Variants in CFAP53 observed in about 807,000 individuals in gnomAD.
CFAP53 encodes the protein cilia- and flagella-associated protein 53.
In CFAP53, 62 loss-of-function variants were observed where a neutral mutation model predicts 59.7. That is an observed-to-expected ratio of 1.04 (90% confidence interval 0.85 to 1.28). The LOEUF (loss-of-function observed/expected upper bound fraction) is 1.28, where lower values mean the gene tolerates loss of function less well. Among genes scored for constraint, CFAP53 ranks in the 50% most tolerant of loss-of-function variants. The pLI, the probability that CFAP53 is intolerant of heterozygous loss-of-function variation, is 0.00. For missense variants in CFAP53, 629 were observed against 615.6 expected, an observed-to-expected ratio of 1.02 and a Z score of -0.23; for synonymous variants, 218 against 205.7, an observed-to-expected ratio of 1.06 and a Z score of -0.51.
At chr18:50,253,879 G>A (rs1181986546) in intron 3 of CFAP53, among the ~76,000 whole-genome samples, 2 of 151,936 alleles carry the variant, frequency 1.3e-5, no homozygotes, top group Non-Finnish European at 1.5e-5. Context: ...AACATCCTAG[G>A]GTATTCGTTA....
chr18:50,230,906 A>T (rs997337398), intron 7 of CFAP53, among the ~76,000 whole-genome samples: 11 of 152,204 alleles, frequency 7.2e-5, no homozygotes, highest in African/African-American at 2.2e-4. Flanking sequence ...TTTTCCAAAG[A>T]TGGCCACAGT....
intron 1 of CFAP53, among the ~76,000 whole-genome samples, chr18:50,265,915 G>C (rs907703236): frequency 7.2e-5 from 11 of 152,188 alleles, no homozygotes; most frequent in African/African-American, 2.7e-4. Context: ...TTTCCTAGGA[G>C]TGAAAGACCA....
rs375198063 is a variant in CFAP53 at position 50,266,359 on chromosome 18, G to A, written c.46C>T (p.Pro16Ser). The A allele has an allele frequency of 4.7e-5, 76 of 1,614,226 alleles. No individual in the cohort carries two copies. The African/African-American group carries it at 8.4e-4, about 18-fold the overall frequency. ...FGTVQREVKG[P>S]TPKVVIVRSK... ...ACCACGATCACCACTTTGGGGGTGGGGCCCTTAACCTCCCGCTGTACGGTG... is the reference window on the plus strand; with the variant it reads ...ACCACGATCACCACTTTGGGGGTGGAGCCCTTAACCTCCCGCTGTACGGTG... The change falls in exon 1 of 8, where the codon CCC becomes TCC. Residue 16 changes from proline (P) to serine (S), a missense_variant. Transcript: ENST00000398545.
rs71169499 is a variant in CFAP53, at chr18:50,261,252, C to CA, written c.300-16dup. 0.017 allele frequency: 20,256 copies of CA among 1,209,104 alleles called. 99 individuals are homozygous for CA. The highest frequency in any genetic ancestry group is 0.083 in the African/African-American group (4,337 of 52,138). 74.9% of individuals were successfully genotyped at this position (1,209,104 alleles called of 1,614,324 possible). On this transcript the variant is annotated splice_polypyrimidine_tract_variant and intron_variant, in intron 2 of 7. Coordinates refer to ENST00000398545, the MANE Select transcript of CFAP53 (RefSeq NM_145020.5). ...GCTCACGTAGCCTGAAACAAAAAGC[C>CA]AAAAAAAAAAAAAAAAAAAGAAAAC... is the stretch of plus-strand genomic sequence containing the variant.
At chr18:50,254,842 G>A (rs552764188) in intron 3 of CFAP53, among the ~76,000 whole-genome samples, 17 of 152,298 alleles carry the variant, frequency 1.1e-4, no homozygotes, top group African/African-American at 4.1e-4. Flanking sequence ...AGTGAGCCGA[G>A]ATCACGCCAT....
intron 5 of CFAP53, among the ~76,000 whole-genome samples, chr18:50,245,607 T>G (rs987482869): frequency 3.3e-5 from 5 of 151,996 alleles, no homozygotes; most frequent in African/African-American, 1.2e-4. Flanking sequence ...TGAAAGAAAT[T>G]AAAGTAGACC....
intron 7 of CFAP53, among the ~76,000 whole-genome samples, chr18:50,230,879 C>G (rs539857398): frequency 6.6e-6 from 1 of 152,270 alleles, no homozygotes; most frequent in Non-Finnish European, 1.5e-5. Context: ...GTGGATACCC[C>G]TCTATGGCAG....
rs62095072 is a variant in CFAP53 at position 50,230,011 on chromosome 18, G to A, written c.1317-2402C>T. ...GGGTTCAAGAGATCCACTCACCTTG[G>A]CCTCCCAAAGTGGTGGGATTACAGG... is the stretch of plus-strand genomic sequence containing the variant. On this transcript the variant is annotated intron_variant, in intron 7 of 7. Transcript: ENST00000398545. Among the ~76,000 whole-genome samples the A allele has an allele frequency of 4.4e-3, 675 of 152,120 alleles. 4 individuals are homozygous for A. Among genetic ancestry groups the A allele is most frequent in the Non-Finnish European group, 6.7e-3 (455 of 68,000 alleles).
rs541210474 is a variant in CFAP53 at position 50,227,544 on chromosome 18, G to A, written c.1382C>T (p.Ser461Phe). 5 of 1,614,122 alleles carry A rather than the reference G, an allele frequency of 3.1e-6. No individual in the cohort carries two copies. In the Admixed American group the frequency reaches 6.7e-5, roughly 22 times the overall value. Residue 461 changes from serine to phenylalanine, a missense_variant, in exon 8 of 8, where the codon TCC becomes TTC. Ser to Phe is a radical substitution (Grantham distance 155). Transcript: ENST00000398545. The part of the protein sequence containing the change: ...LQMQIAYQQQ[S>F]QEAEKEEKRR... ...TTTCTCTTCCTTCTCTGCTTCTTGGGACTGCTGCTGGTAGGCGATTTGCAT... is the reference window on the plus strand; with the variant it reads ...TTTCTCTTCCTTCTCTGCTTCTTGGAACTGCTGCTGGTAGGCGATTTGCAT...
At chr18:50,242,031 A>G (rs143123803) in intron 6 of CFAP53, among the ~76,000 whole-genome samples, 1 of 152,164 alleles carries the variant, frequency 6.6e-6, no homozygotes, top group African/African-American at 2.4e-5. Flanking sequence ...CATTCCTTCC[A>G]CAGGGCTATT....
At chr18:50,230,601 G>A (rs1188653927) in intron 7 of CFAP53, among the ~76,000 whole-genome samples, 1 of 152,180 alleles carries the variant, frequency 6.6e-6, no homozygotes, top group Non-Finnish European at 1.5e-5. Context: ...GGAGGAGGTC[G>A]TGGGAACCCC....
At chr18:50,255,240 A>T (rs1457602554) in intron 3 of CFAP53, among the ~76,000 whole-genome samples, 2 of 152,214 alleles carry the variant, frequency 1.3e-5, no homozygotes, top group African/African-American at 4.8e-5. Flanking sequence ...TAAAATGATG[A>T]AATTATGGGG....
chr18:50,260,704 C>A (rs2033883739), intron 3 of CFAP53, among the ~76,000 whole-genome samples: 1 of 152,124 alleles, frequency 6.6e-6, no homozygotes, highest in Admixed American at 6.6e-5. Flanking sequence ...CCCAAGCACA[C>A]ATGCAGCACA....
intron 3 of CFAP53, among the ~76,000 whole-genome samples, chr18:50,259,499 CAA>C (rs756197294): frequency 2.5e-4 from 30 of 118,668 alleles, no homozygotes; most frequent in South Asian, 2.8e-4. Context: ...TAATGGGTAC[CAA>C]AAAAAAAAAA....
At chr18:50,238,169 G>A (rs1006692226) in intron 7 of CFAP53, among the ~76,000 whole-genome samples, 4 of 152,200 alleles carry the variant, frequency 2.6e-5, no homozygotes, top group Non-Finnish European at 4.4e-5. Context: ...TGCTTTGAGC[G>A]TCTAGAAGGA....
chr18:50,245,388 C>CAAAAAAAAAAAAAAAAAAAATAAAAA lies in CFAP53; in HGVS notation c.997-2273_997-2272insTTTTTATTTTTTTTTTTTTTTTTTTT, dbSNP rs2033734584. ...TGGGCGACAGAGCGAGACTCCGTCT[C>CAAAAAAAAAAAAAAAAAAAATAAAAA]AAAAAAAAAAAAAAAAAAAAACTAA... On this transcript the variant is annotated intron_variant, in intron 5 of 7. Transcript: ENST00000398545. Among the ~76,000 whole-genome samples the CAAAAAAAAAAAAAAAAAAAATAAAAA allele has an allele frequency of 2.1e-5, 2 of 94,052 alleles. 1 individual carries two copies. The allele number at this position is 94,052 out of a possible 152,430, so 61.7% of individuals were successfully genotyped here. A position where few individuals can be genotyped will look rare whatever the true frequency, so the allele number is the denominator to read the frequency against.
intron 5 of CFAP53, among the ~76,000 whole-genome samples, chr18:50,243,658 G>T (rs1319089463): frequency 1.3e-5 from 2 of 152,122 alleles, no homozygotes; most frequent in African/African-American, 4.8e-5. Context: ...GCTTTACAAA[G>T]TATTGACATC....
intron 3 of CFAP53, among the ~76,000 whole-genome samples, chr18:50,260,781 G>A (rs981981827): frequency 1.3e-5 from 2 of 152,194 alleles, no homozygotes; most frequent in African/African-American, 4.8e-5. Flanking sequence ...AGGGGCTTTT[G>A]AAGAACTTCC....
intron 7 of CFAP53, among the ~76,000 whole-genome samples, chr18:50,237,563 C>A (rs1011436845): frequency 6.6e-6 from 1 of 151,342 alleles, no homozygotes. Context: ...TTTCTATGCA[C>A]CAAGTGTGAG....
Sources: allele counts gnomAD v4.1 joint callset (sites outside exome capture counted in the v4.1 genomes callset), GRCh38; gene constraint gnomAD v4.1.1; transcripts MANE v1.5; gene names NCBI Gene and HGNC (gene_info 2026-07-23, HGNC 2026-07-21).